Variants in ERMP1 observed in about 807,000 individuals in gnomAD.
The protein encoded by ERMP1 is endoplasmic reticulum metallopeptidase 1.
A neutral mutation model predicts 92.0 loss-of-function variants in ERMP1; 86 were observed. The observed-to-expected ratio is 0.93, with a 90% CI of 0.79 to 1.12. The LOEUF (loss-of-function observed/expected upper bound fraction) is 1.12. Among genes scored for constraint, ERMP1 ranks in the 50% most tolerant of loss-of-function variants. The probability of loss-of-function intolerance (pLI) is 0.00; values close to 1 mark genes in which losing one functional copy is unlikely to be tolerated. For missense variants in ERMP1, 1,342 were observed against 1,116.3 expected (o/e 1.20, Z -2.88); for synonymous variants, 530 against 412.8 (o/e 1.28, Z -3.44).
intron 6 of ERMP1, among the ~76,000 whole-genome samples, chr9:5,843,783 A>G (rs1364992137): frequency 2.0e-5 from 3 of 152,130 alleles, no homozygotes; most frequent in African/African-American, 7.2e-5. Flanking sequence ...TCTCATCCCC[A>G]TCCCCTACCA....
At chr9:5,809,469 A>C (rs191443115) in intron 8 of ERMP1, among the ~76,000 whole-genome samples, 7 of 152,330 alleles carry the variant, frequency 4.6e-5, no homozygotes, top group African/African-American at 1.7e-4. Flanking sequence ...CCAATGACAT[A>C]CATGCATGCA....
At chr9:5,813,853 A>G (rs975508309) in intron 4 of ERMP1, among the ~76,000 whole-genome samples, 7 of 148,500 alleles carry the variant, frequency 4.7e-5, no homozygotes, top group Non-Finnish European at 8.9e-5. Flanking sequence ...ATTGTTTTAT[A>G]ATTTATATAA....
chr9:5,831,118 A>G (rs1007259522), intron 1 of ERMP1, 90 bp from the exon 2 acceptor site: 1 of 984,310 alleles, frequency 1.0e-6, no homozygotes, highest in Non-Finnish European at 1.5e-6. Context: ...CTTCCTCCCC[A>G]AAAAAGCTTA....
intron 13 of ERMP1, among the ~76,000 whole-genome samples, chr9:5,788,267 G>A (rs1238424750): frequency 6.6e-6 from 1 of 152,164 alleles, no homozygotes; most frequent in Non-Finnish European, 1.5e-5. Flanking sequence ...TCTGCTGCAA[G>A]GCTTTGTGGC....
At chr9:5,803,780 A>G (rs1044951052) in intron 10 of ERMP1, among the ~76,000 whole-genome samples, 1 of 152,180 alleles carries the variant, frequency 6.6e-6, no homozygotes, top group African/African-American at 2.4e-5. Flanking sequence ...ACATTTTAGA[A>G]CTTTTCATAC....
At chr9:5,805,376 A>T (rs1828831634) in intron 9 of ERMP1, among the ~76,000 whole-genome samples, 159 bp from the exon 10 acceptor site, 1 of 152,182 alleles carries the variant, frequency 6.6e-6, no homozygotes, top group Admixed American at 6.5e-5. Context: ...TCTTTCACTC[A>T]GGATAAAATA....
chr9:5,848,817 T>A (rs1016347788), intron 6 of ERMP1, among the ~76,000 whole-genome samples: 2 of 152,166 alleles, frequency 1.3e-5, no homozygotes, highest in Non-Finnish European at 2.9e-5. Context: ...GCTAGTTGAA[T>A]ATCACCTTTC....
chr9:5,829,191 G>T (rs1368996460), intron 2 of ERMP1, among the ~76,000 whole-genome samples: 3 of 146,800 alleles, frequency 2.0e-5, no homozygotes, highest in Non-Finnish European at 4.5e-5. Context: ...TGCCAGCCTG[G>T]TGACAGAGTG....
At chr9:5,845,372 G>A (rs527720472) in intron 6 of ERMP1, among the ~76,000 whole-genome samples, 4 of 152,092 alleles carry the variant, frequency 2.6e-5, no homozygotes, top group Admixed American at 2.0e-4. Context: ...AGACCAGCCT[G>A]GGCAACATAG....
Position 5,805,682 on chromosome 9 carries a change from A to G in ERMP1, c.1652T>C (p.Phe551Ser), listed in dbSNP as rs141976024. ...GAATGCTACCCAGACAGCACTAATA[A>G]ACGCCGAGCAAAGTCCTTGGTAAGT... ...TLTYQGLCSA[F>S]ISAVWVAFPL... Residue 551 changes from phenylalanine to serine, a missense_variant, in exon 9 of 15, where the codon TTT becomes TCT. Physicochemically the swap from Phe to Ser is radical, Grantham distance 155 (BLOSUM62 -2). Transcript: ENST00000339450. The G allele has an allele frequency of 7.7e-5, 124 of 1,613,502 alleles. No individual in the cohort carries two copies. Among genetic ancestry groups the G allele is most frequent in the Admixed American group, 1.8e-4 (11 of 59,900 alleles).
chr9:5,861,717 G>GT (rs34804675), intron 5 of ERMP1, among the ~76,000 whole-genome samples: 4,755 of 66,216 alleles, frequency 0.072, 329 homozygotes, highest in African/African-American at 0.19. Flanking sequence ...GAGAGGAAGG[G>GT]TTTTTTTTTT....
At position 5,832,861 on chromosome 9, in the gene ERMP1, C is replaced by A. The variant is rs1423427821; in HGVS notation, c.167G>T (p.Gly56Val). Residue 56 changes from glycine to valine, a missense_variant, in exon 1 of 15, where the codon GGT (glycine) becomes GTT (valine). Transcript: ENST00000339450. ...GGRTRKRSPG[G>V]SGGASRGAGT... ...CGCGCCCCTGCTCGCGCCGCCGCTA[C>A]CCCCGGGGCTCCTCTTCCGCGTCCT... is the stretch of plus-strand genomic sequence containing the variant. 15 of 1,518,014 alleles carry A rather than the reference C, an allele frequency of 9.9e-6. No homozygotes were observed. The highest frequency in any genetic ancestry group is 1.2e-5 in the Non-Finnish European group (14 of 1,141,922). The allele number at this position is 1,518,014 out of a possible 1,614,324, so 94.0% of individuals were successfully genotyped here. A position where few individuals can be genotyped will look rare whatever the true frequency, so the allele number is the denominator to read the frequency against.
chr9:5,791,180 A>C, intron 13 of ERMP1: 1 of 422,166 alleles, frequency 2.4e-6, no homozygotes, highest in South Asian at 1.7e-5. Flanking sequence ...ACAGAGAGAA[A>C]GAGAGAGAGA....
chr9:5,785,405 T>C lies in ERMP1; in HGVS notation c.*1739A>G, dbSNP rs1827895119. 6.6e-6 allele frequency: 1 copy of C among 152,206 alleles called. No homozygotes were observed. The highest frequency in any genetic ancestry group is 1.5e-5 in the Non-Finnish European group (1 of 68,038). The allele number at this position is 152,206 out of a possible 1,614,324, so 9.4% of individuals were successfully genotyped here. On this transcript the variant is annotated 3_prime_UTR_variant, in exon 15 of 15. Coordinates refer to ENST00000339450, the MANE Select transcript of ERMP1 (RefSeq NM_024896.3). ...CAAAATATAAACCCTGCAAACCTTA[T>C]GTGCTACCTGACAGATAAAAGTAGC...
At chr9:5,806,856 A>C (rs1828891416) in intron 8 of ERMP1, among the ~76,000 whole-genome samples, 2 of 152,188 alleles carry the variant, frequency 1.3e-5, no homozygotes, top group Non-Finnish European at 2.9e-5. Context: ...GATATATTAA[A>C]GTTTCTCCTT....
intron 2 of ERMP1, among the ~76,000 whole-genome samples, chr9:5,828,385 C>G (rs1247982006): frequency 1.3e-5 from 2 of 152,192 alleles, no homozygotes; most frequent in African/African-American, 4.8e-5. Flanking sequence ...TATACATTTA[C>G]CAAGGTGTCC....
intron 2 of ERMP1, among the ~76,000 whole-genome samples, chr9:5,827,886 G>A (rs922096906): frequency 6.6e-6 from 1 of 152,204 alleles, no homozygotes; most frequent in Admixed American, 6.5e-5. Flanking sequence ...GCTGAGGCAA[G>A]AGAATGGCGT....
chr9:5,819,644 G>A lies in ERMP1; in HGVS notation c.874+4252C>T, dbSNP rs186187591. Among the ~76,000 whole-genome samples, 8 of 152,094 alleles carry A rather than the reference G, an allele frequency of 5.3e-5. No individual in the cohort carries two copies. The East Asian group carries it at 1.5e-3, about 29-fold the overall frequency. On this transcript the variant is annotated intron_variant, in intron 4 of 14. Transcript: ENST00000339450. ...GTTTACTATGGCACATAGTTTCACA[G>A]TTTACTATGGCACATGTATTCCTAC...
chr9:5,833,936 C>A (rs1233920392), upstream of ERMP1, among the ~76,000 whole-genome samples: 1 of 152,186 alleles, frequency 6.6e-6, no homozygotes, highest in Non-Finnish European at 1.5e-5. Context: ...CTTGCCGGTA[C>A]CCATGAGCCT....
Sources: allele counts gnomAD v4.1 joint callset (sites outside exome capture counted in the v4.1 genomes callset), GRCh38; gene constraint gnomAD v4.1.1; transcripts MANE v1.5; gene names NCBI Gene and HGNC (gene_info 2026-07-23, HGNC 2026-07-21).